AUTS2: variants seen among roughly 807,000 people sequenced by gnomAD.
AUTS2 encodes the protein autism susceptibility gene 2 protein.
AUTS2 carries 17 observed loss-of-function variants against 112.4 expected under a neutral mutation model. The observed-to-expected ratio is 0.15, with a 90% CI of 0.10 to 0.23. The LOEUF (loss-of-function observed/expected upper bound fraction) is 0.23. Among genes scored for constraint, AUTS2 ranks in the 10% least tolerant of loss-of-function variants. The pLI is 1.00. For missense variants in AUTS2, 1,510 were observed against 1,701.6 expected, an observed-to-expected ratio of 0.89 and a Z score of 1.98; for synonymous variants, 751 against 702.7, an observed-to-expected ratio of 1.07 and a Z score of -1.09.
intron 2 of AUTS2, among the ~76,000 whole-genome samples, chr7:70,025,000 A>G (rs770713893): frequency 1.3e-5 from 2 of 152,228 alleles, no homozygotes; most frequent in Non-Finnish European, 2.9e-5. Flanking sequence ...ATTAATCATA[A>G]CATTGTCTCA....
At chr7:70,058,622 GTT>G (rs35484796) in intron 2 of AUTS2, among the ~76,000 whole-genome samples, 9 of 143,518 alleles carry the variant, frequency 6.3e-5, no homozygotes, top group Admixed American at 2.1e-4. Flanking sequence ...CTACATGTAG[GTT>G]TTTTTTTTTT....
At chr7:69,642,192 C>T (rs1056212191) in intron 1 of AUTS2, among the ~76,000 whole-genome samples, 7 of 152,132 alleles carry the variant, frequency 4.6e-5, no homozygotes, top group African/African-American at 1.7e-4. Context: ...TTTTTTTCTC[C>T]TTAACCCATT....
chr7:70,048,149 G>T (rs148327002), intron 2 of AUTS2, among the ~76,000 whole-genome samples: 176 of 152,160 alleles, frequency 1.2e-3, no homozygotes, highest in African/African-American at 4.0e-3. Flanking sequence ...GGCCCTTTAG[G>T]GTTTTTTTCT....
intron 4 of AUTS2, among the ~76,000 whole-genome samples, chr7:70,205,003 A>G (rs1052445671): frequency 6.6e-6 from 1 of 152,096 alleles, no homozygotes; most frequent in Non-Finnish European, 1.5e-5. Flanking sequence ...TTACCACTGA[A>G]TTCACAGCAG....
At chr7:70,582,749 G>C (rs937925578) in intron 5 of AUTS2, among the ~76,000 whole-genome samples, 1 of 152,198 alleles carries the variant, frequency 6.6e-6, no homozygotes, top group Admixed American at 6.5e-5. Flanking sequence ...TACAAGGCCA[G>C]AGATGTTTCT....
At chr7:70,029,486 A>G (rs553429247) in intron 2 of AUTS2, among the ~76,000 whole-genome samples, 1 of 152,100 alleles carries the variant, frequency 6.6e-6, no homozygotes, top group African/African-American at 2.4e-5. Flanking sequence ...GAGCTCAATA[A>G]ACATTTGTTG....
At chr7:70,479,122 A>G (rs750459334) in intron 5 of AUTS2, among the ~76,000 whole-genome samples, 1 of 152,128 alleles carries the variant, frequency 6.6e-6, no homozygotes, top group African/African-American at 2.4e-5. Context: ...AACCATTTTT[A>G]TGGTGTATCA....
intron 6 of AUTS2, among the ~76,000 whole-genome samples, chr7:70,753,202 C>T (rs965379634): frequency 6.6e-6 from 1 of 152,146 alleles, no homozygotes; most frequent in Non-Finnish European, 1.5e-5. Context: ...AGCCTCTAAT[C>T]CACTGGACTC....
intron 4 of AUTS2, 83 bp from the exon 5 acceptor site, chr7:70,435,669 A>T: frequency 3.0e-6 from 4 of 1,351,228 alleles, no homozygotes; most frequent in African/African-American, 1.4e-5. Flanking sequence ...CTTTTTTTGT[A>T]TGGGGGTTGG....
intron 2 of AUTS2, among the ~76,000 whole-genome samples, chr7:69,909,767 A>T (rs992612453): frequency 6.6e-6 from 1 of 152,186 alleles, no homozygotes; most frequent in African/African-American, 2.4e-5. Flanking sequence ...AGGATTTAAC[A>T]ATTGCCTGAG....
chr7:70,349,447 A>C (rs1402983286), intron 4 of AUTS2, among the ~76,000 whole-genome samples: 3 of 152,232 alleles, frequency 2.0e-5, no homozygotes, highest in African/African-American at 7.2e-5. Flanking sequence ...ACCATCACAA[A>C]GAGAATGATT....
chr7:70,054,365 C>T (rs763468356), intron 2 of AUTS2, among the ~76,000 whole-genome samples: 2 of 152,012 alleles, frequency 1.3e-5, no homozygotes, highest in East Asian at 3.9e-4. Context: ...TTTTATTTCT[C>T]CTTGCTTCTT....
At chr7:70,159,575 C>G (rs1386875098) in intron 4 of AUTS2, among the ~76,000 whole-genome samples, 1 of 152,142 alleles carries the variant, frequency 6.6e-6, no homozygotes, top group Non-Finnish European at 1.5e-5. Context: ...GATAATGTTA[C>G]AAATACTGAG....
At chr7:70,317,666 C>T (rs189406268) in intron 4 of AUTS2, among the ~76,000 whole-genome samples, 197 of 152,262 alleles carry the variant, frequency 1.3e-3, no homozygotes, top group Middle Eastern at 3.4e-3. Context: ...TGAGTGGGCA[C>T]AAGCATGGAG....
chr7:70,094,692 C>G (rs1804098443), intron 2 of AUTS2, among the ~76,000 whole-genome samples: 1 of 152,086 alleles, frequency 6.6e-6, no homozygotes, highest in Non-Finnish European at 1.5e-5. Context: ...CATGGCAGTA[C>G]CCCATCCTCA....
At chr7:70,003,344 T>C (rs1222346435) in intron 2 of AUTS2, among the ~76,000 whole-genome samples, 4 of 130,014 alleles carry the variant, frequency 3.1e-5, no homozygotes, top group African/African-American at 1.2e-4. Context: ...ATAATATGTA[T>C]GAATATGTTA....
At chr7:70,126,107 A>G (rs1805957115) in intron 3 of AUTS2, among the ~76,000 whole-genome samples, 1 of 152,200 alleles carries the variant, frequency 6.6e-6, no homozygotes, top group Non-Finnish European at 1.5e-5. Context: ...AATTTGACTC[A>G]TGCGTAAAGC....
intron 4 of AUTS2, among the ~76,000 whole-genome samples, chr7:70,252,278 C>T (rs1196294267): frequency 6.6e-6 from 1 of 152,140 alleles, no homozygotes; most frequent in Non-Finnish European, 1.5e-5. Context: ...TTTCTCCACA[C>T]CACTGCCAAC....
rs2129067353 is a variant in AUTS2, at chr7:69,599,735, G to T, written c.82G>T (p.Gly28Cys). The T allele has an allele frequency of 7.5e-7, 1 of 1,325,782 alleles. No homozygotes were observed. The highest frequency in any genetic ancestry group is 9.6e-7 in the Non-Finnish European group (1 of 1,043,300). 82.1% of individuals were successfully genotyped at this position (1,325,782 alleles called of 1,614,324 possible). ...SQRDRERRSR[G>C]GLGAGAAGGG... ...GCGAGACCGGGAGAGGCGCTCCCGG[G>T]GCGGGCTGGGGGCCGGCGCGGCCGG... Residue 28 changes from glycine to cysteine, a missense_variant, in exon 1 of 19, where the codon GGC becomes TGC. This residue lies in a region of AUTS2 where 535 missense variants were observed against 594.3 expected (regional missense o/e 0.90). Transcript: ENST00000342771. This position sits in a 1 kb window ranked among gnomAD's most constrained non-coding sequence, Gnocchi z 7.0.
Sources: gnomAD v4.1 joint callset for allele counts (sites outside exome capture counted in the v4.1 genomes callset) on GRCh38, gnomAD v4.1.1 for gene constraint, gnomAD v4.1.1 regional missense constraint, Gnocchi (gnomAD v3.1) non-coding constraint, MANE v1.5 for transcripts, NCBI Gene and HGNC (gene_info 2026-07-23, HGNC 2026-07-21) for gene names.